Variants in TFRC observed in about 807,000 individuals in gnomAD.
TFRC encodes transferrin receptor, also known as transferrin receptor protein 1.
In TFRC, 35 loss-of-function variants were observed where a neutral mutation model predicts 85.8. The ratio of observed to expected loss-of-function variants is 0.41; its 90% CI spans 0.31 to 0.54. The LOEUF is 0.54. Among genes scored for constraint, TFRC ranks in the 20% least tolerant of loss-of-function variants. The pLI is 0.31. For missense variants in TFRC, 828 were observed against 921.5 expected (o/e 0.90, Z 1.31); for synonymous variants, 362 against 328.6 (o/e 1.10, Z -1.10).
chr3:196,059,747 A>G (rs1162253056), intron 14 of TFRC, among the ~76,000 whole-genome samples: 2 of 148,732 alleles, frequency 1.3e-5, no homozygotes, highest in East Asian at 2.1e-4. Context: ...ATATCTCCCA[A>G]TGCTATCCCT....
At chr3:196,075,668 A>C (rs917699790) in intron 2 of TFRC, among the ~76,000 whole-genome samples, 1 of 151,562 alleles carries the variant, frequency 6.6e-6, no homozygotes, top group Non-Finnish European at 1.5e-5. Flanking sequence ...GGCTCTACTG[A>C]TTCCCCCACC....
At chr3:196,056,079 G>A (rs541753763) in intron 16 of TFRC, among the ~76,000 whole-genome samples, 66 of 152,294 alleles carry the variant, frequency 4.3e-4, no homozygotes, top group African/African-American at 1.6e-3. Context: ...CTGTCACCCA[G>A]GCTGGAGCGT....
chr3:196,065,210 C>A lies in TFRC; in HGVS notation c.1198+233G>T, dbSNP rs555291094. 2.9e-4 allele frequency among the ~76,000 whole-genome samples: 44 copies of A among 150,612 alleles called. 1 individual carries two copies. The South Asian group carries it at 7.0e-3, about 24-fold the overall frequency. On this transcript the variant is annotated intron_variant, in intron 10 of 18. Transcript: ENST00000360110. The stretch of plus-strand genomic sequence containing the variant: ...CTGGGAGGCGGAAATTGCAGTGAGC[C>A]GAGATCACACCACTGCACTCCAGCC...
intron 11 of TFRC, 112 bp downstream of exon 11, chr3:196,064,197 G>C: frequency 2.6e-6 from 3 of 1,173,946 alleles, no homozygotes; most frequent in Non-Finnish European, 3.4e-6. Context: ...TTAAGAACTA[G>C]AGTCTAGCAT....
rs1329054706 is a variant in TFRC, at chr3:196,049,734, G to A, written c.*2208C>T. On this transcript the variant is annotated 3_prime_UTR_variant, in exon 19 of 19. Coordinates refer to ENST00000360110, the MANE Select transcript of TFRC (RefSeq NM_001128148.3). ...ATTTAAGTACGTGTGCGTAACACCC[G>A]AACCAGGAATCTCAGCTATGACCTT... 13 of 230,034 alleles carry A rather than the reference G, an allele frequency of 5.7e-5. 1 individual carries two copies. The highest frequency in any genetic ancestry group is 1.3e-4 in the African/African-American group (6 of 45,280). The allele number at this position is 230,034 out of a possible 1,614,324, so 14.2% of individuals were successfully genotyped here. A position where few individuals can be genotyped will look rare whatever the true frequency, so the allele number is the denominator to read the frequency against.
intron 1 of TFRC, among the ~76,000 whole-genome samples, chr3:196,080,161 T>C (rs1419687443): frequency 1.3e-5 from 2 of 152,230 alleles, no homozygotes; most frequent in African/African-American, 2.4e-5. Flanking sequence ...TGGAGTGCAG[T>C]AGCACGATCT....
chr3:196,067,692 T>C, intron 8 of TFRC, 35 bp from the exon 9 acceptor site: 1 of 1,604,268 alleles, frequency 6.2e-7, no homozygotes, highest in Non-Finnish European at 8.5e-7. Context: ...CTCCATCACA[T>C]ACTTCCTCAA....
At position 196,065,540 on chromosome 3, in the gene TFRC, G is replaced by A. The variant is rs766998024; in HGVS notation, c.1101C>T (p.Thr367=). 1.2e-6 allele frequency: 2 copies of A among 1,610,992 alleles called. No individual in the cohort carries two copies. Among genetic ancestry groups the A allele is most frequent in the East Asian group, 2.2e-5 (1 of 44,784 alleles). The change falls in exon 10 of 19, where the codon ACC becomes ACT. Residue 367 remains threonine, a synonymous_variant. Transcript: ENST00000360110. ...WKTDSTCRMV[T]SESKNVKLTV... ...TGAGCTTCACATTCTTGCTTTCTGA[G>A]GTTACCATCCTACATGTAGAGTCTG...
chr3:196,072,459 C>T (rs1456646214), intron 4 of TFRC, among the ~76,000 whole-genome samples: 1 of 152,190 alleles, frequency 6.6e-6, no homozygotes, highest in Non-Finnish European at 1.5e-5. Flanking sequence ...ACTATAAAAT[C>T]TAAGATAGTA....
intron 13 of TFRC, among the ~76,000 whole-genome samples, chr3:196,061,001 G>A (rs537759713): frequency 1.4e-4 from 22 of 152,042 alleles, no homozygotes; most frequent in Non-Finnish European, 2.1e-4. Flanking sequence ...CACATTCTGC[G>A]GCAAACATAC....
intron 18 of TFRC, among the ~76,000 whole-genome samples, chr3:196,052,857 A>G (rs1401900430): frequency 6.6e-6 from 1 of 152,156 alleles, no homozygotes; most frequent in African/African-American, 2.4e-5. Context: ...TCACGCTTGT[A>G]ATACCAGCAC....
At chr3:196,061,886 A>C (rs1717313829) in intron 13 of TFRC, among the ~76,000 whole-genome samples, 1 of 152,194 alleles carries the variant, frequency 6.6e-6, no homozygotes, top group Non-Finnish European at 1.5e-5. Context: ...AATGCTACTC[A>C]TCTGGGGGCC....
At chr3:196,073,036 CAAAAA>C (rs56723183) in intron 4 of TFRC, among the ~76,000 whole-genome samples, 3 of 72,152 alleles carry the variant, frequency 4.2e-5, no homozygotes, top group Non-Finnish European at 8.7e-5. Flanking sequence ...CCCGTTTCTG[CAAAAA>C]AAAAAAAAAA....
chr3:196,064,481 T>A, intron 10 of TFRC, 53 bp from the exon 11 acceptor site: 5 of 1,511,958 alleles, frequency 3.3e-6, no homozygotes, highest in Non-Finnish European at 4.4e-6. Flanking sequence ...GCTTCTAAAC[T>A]TTTCTAGAAT....
At chr3:196,079,174 C>T (rs1220854721) in intron 1 of TFRC, among the ~76,000 whole-genome samples, 2 of 152,108 alleles carry the variant, frequency 1.3e-5, no homozygotes, top group Non-Finnish European at 2.9e-5. Flanking sequence ...CAGTAAGGAC[C>T]CAATCATTAG....
intron 1 of TFRC, among the ~76,000 whole-genome samples, chr3:196,078,571 C>T (rs1389243310): frequency 6.6e-6 from 1 of 151,648 alleles, no homozygotes; most frequent in Non-Finnish European, 1.5e-5. Context: ...GCAGGAGAAT[C>T]GCTTGAACCC....
At chr3:196,055,995 G>C (rs1716756798) in intron 16 of TFRC, among the ~76,000 whole-genome samples, 1 of 148,694 alleles carries the variant, frequency 6.7e-6, no homozygotes, top group African/African-American at 2.5e-5. Flanking sequence ...CTTGAGACGA[G>C]GCCTCTCTCT....
At chr3:196,080,840 G>C (rs572233481) in intron 1 of TFRC, among the ~76,000 whole-genome samples, 1 of 152,190 alleles carries the variant, frequency 6.6e-6, no homozygotes, top group Admixed American at 6.6e-5. Flanking sequence ...TTCAGGGCCG[G>C]GGGGCGGGGG....
chr3:196,051,406 T>C lies in TFRC; in HGVS notation c.*536A>G, dbSNP rs901474941. 9.2e-6 allele frequency: 2 copies of C among 218,254 alleles called. No homozygotes were observed. The highest frequency in any genetic ancestry group is 9.2e-6 in the Non-Finnish European group (1 of 108,532). The allele number at this position is 218,254 out of a possible 1,614,324, so 13.5% of individuals were successfully genotyped here. The stretch of plus-strand genomic sequence containing the variant: ...AGAAGGACCTCCATTTCAGACCTCA[T>C]TGGCAAGAAAACAAGCCCATCTCTT... On this transcript the variant is annotated 3_prime_UTR_variant, in exon 19 of 19. Transcript: ENST00000360110.
Sources: allele counts gnomAD v4.1 joint callset (sites outside exome capture counted in the v4.1 genomes callset), GRCh38; gene constraint gnomAD v4.1.1; transcripts MANE v1.5; gene names NCBI Gene and HGNC (gene_info 2026-07-23, HGNC 2026-07-21).